UGT1A4: variants seen among roughly 807,000 people sequenced by gnomAD.
UGT1A4 encodes the protein UDP-glucuronosyltransferase 1A4.
UGT1A4 carries 32 observed loss-of-function variants against 41.1 expected under a neutral mutation model. The ratio of observed to expected loss-of-function variants is 0.78; its 90% CI spans 0.59 to 1.05. The LOEUF is 1.05. Ranked by LOEUF, UGT1A4 falls within the 50% of genes least tolerant of loss-of-function variation. The pLI, the probability that UGT1A4 is intolerant of heterozygous loss-of-function variation, is 0.00. For missense variants in UGT1A4, 748 were observed against 677.4 expected (o/e 1.10, Z -1.16); for synonymous variants, 283 against 265.1 (o/e 1.07, Z -0.66).
At chr2:233,736,756 T>G (rs535805323) in intron 1 of UGT1A4, among the ~76,000 whole-genome samples, 1 of 152,338 alleles carries the variant, frequency 6.6e-6, no homozygotes, top group Non-Finnish European at 1.5e-5. Context: ...TTGTTAGTTT[T>G]CCTTCTAACA....
At chr2:233,726,721 T>C (rs17864697) in intron 1 of UGT1A4, among the ~76,000 whole-genome samples, 20,956 of 152,216 alleles carry the variant, frequency 0.14, 1,603 homozygotes, top group East Asian at 0.2. Context: ...GGAAGTACAA[T>C]GTAGATACTT....
At position 233,737,636 on chromosome 2, in the gene UGT1A4, C is replaced by T. The variant is rs531826913; in HGVS notation, c.867+17949C>T. ...AAATGCAGAAATCATCCATCTTCTGCGTCGATCATGCTGGGAGCTGCAGAT... is the reference window on the plus strand; with the variant it reads ...AAATGCAGAAATCATCCATCTTCTGTGTCGATCATGCTGGGAGCTGCAGAT... On this transcript the variant is annotated intron_variant, in intron 1 of 4. Coordinates refer to ENST00000373409, the MANE Select transcript of UGT1A4 (RefSeq NM_007120.3). Among the ~76,000 whole-genome samples the T allele has an allele frequency of 5.3e-5, 8 of 152,322 alleles. No individual in the cohort carries two copies. In the East Asian group the frequency reaches 5.8e-4, roughly 11 times the overall value.
intron 1 of UGT1A4, among the ~76,000 whole-genome samples, chr2:233,752,803 G>A (rs140636687): frequency 3.1e-4 from 47 of 152,278 alleles, no homozygotes; most frequent in African/African-American, 1.1e-3. Flanking sequence ...TTCTGTAGAA[G>A]GAACACTTCC....
intron 1 of UGT1A4, among the ~76,000 whole-genome samples, chr2:233,737,957 G>A (rs779523802): frequency 7.9e-5 from 12 of 151,950 alleles, no homozygotes; most frequent in Non-Finnish European, 1.6e-4. Context: ...CCCAACATGA[G>A]GTCACACTAG....
intron 1 of UGT1A4, among the ~76,000 whole-genome samples, chr2:233,724,109 G>A (rs1321159895): frequency 1.4e-4 from 16 of 113,960 alleles, no homozygotes; most frequent in East Asian, 4.5e-4. Flanking sequence ...AGGGGCGGCC[G>A]GGCAGAGGCG....
At chr2:233,729,263 A>C (rs1204549030) in intron 1 of UGT1A4, 7 of 1,614,084 alleles carry the variant, frequency 4.3e-6, no homozygotes. Flanking sequence ...AGCATGCGGG[A>C]GGTCTTGCGG....
intron 1 of UGT1A4, chr2:233,729,672 TAAGGGCACACAGTGTCC>T (rs2077905850): frequency 6.2e-7 from 1 of 1,613,858 alleles, no homozygotes; most frequent in South Asian, 1.1e-5. Context: ...ATTTAGACTT[TAAGGGCACACAGTGTCC>T]AAACCCTTCC....
At chr2:233,738,180 G>A (rs566528784) in intron 1 of UGT1A4, among the ~76,000 whole-genome samples, 8 of 152,232 alleles carry the variant, frequency 5.3e-5, no homozygotes, top group African/African-American at 1.4e-4. Flanking sequence ...CATGTAAGAC[G>A]TGTCTTTGCC....
intron 1 of UGT1A4, among the ~76,000 whole-genome samples, chr2:233,746,480 C>A (rs1693404181): frequency 1.3e-5 from 2 of 151,692 alleles, no homozygotes; most frequent in Admixed American, 6.5e-5. Context: ...AAACACTTTC[C>A]ATGGACATGT....
rs926387515 is a variant in UGT1A4 at position 233,772,265 on chromosome 2, C to T, written c.1311C>T (p.Tyr437=). ...ACGAAACTGTCTTTGTGTTTAGTTA[C>T]AAGGAGAACATCATGCGCCTCTCCA... ...ALKAVINDKS[Y]KENIMRLSSL... The change falls in exon 5 of 5, where the codon TAC becomes TAT. Residue 437 remains tyrosine, a synonymous_variant. Coordinates refer to ENST00000373409, the MANE Select transcript of UGT1A4 (RefSeq NM_007120.3). 4 of 1,614,232 alleles carry T rather than the reference C, an allele frequency of 2.5e-6. No homozygotes were observed. The Admixed American group carries it at 6.7e-5, about 27-fold the overall frequency.
At chr2:233,759,701 C>T (rs910973902) in intron 1 of UGT1A4, among the ~76,000 whole-genome samples, 5 of 149,762 alleles carry the variant, frequency 3.3e-5, no homozygotes, top group Non-Finnish European at 5.9e-5. Context: ...CACCTCATGG[C>T]GCGTGCTCGT....
chr2:233,729,120 T>A, intron 1 of UGT1A4: 1 of 1,613,088 alleles, frequency 6.2e-7, no homozygotes, highest in Non-Finnish European at 8.5e-7. Context: ...CCGTGTCTTC[T>A]GCTGAGATGG....
chr2:233,743,050 C>G (rs577515653), intron 1 of UGT1A4: 2 of 317,988 alleles, frequency 6.3e-6, no homozygotes, highest in African/African-American at 2.2e-5. Flanking sequence ...CCGTGTAGTC[C>G]CAACGATAAG....
At chr2:233,752,155 C>T (rs1694901340) in intron 1 of UGT1A4, among the ~76,000 whole-genome samples, 1 of 152,178 alleles carries the variant, frequency 6.6e-6, no homozygotes, top group African/African-American at 2.4e-5. Flanking sequence ...CTTCTAGATG[C>T]TTTCTAGTGT....
intron 1 of UGT1A4, chr2:233,755,875 T>A (rs1402547099): frequency 2.6e-5 from 4 of 152,198 alleles, no homozygotes; most frequent in Non-Finnish European, 5.9e-5. Flanking sequence ...CTAACAAACC[T>A]TTTTATGTAA....
chr2:233,737,321 C>G (rs2078863699), intron 1 of UGT1A4, among the ~76,000 whole-genome samples: 1 of 152,264 alleles, frequency 6.6e-6, no homozygotes, highest in African/African-American at 2.4e-5. Flanking sequence ...GACTGCTGCA[C>G]TAGCAGTGAG....
intron 1 of UGT1A4, among the ~76,000 whole-genome samples, chr2:233,731,463 G>A (rs540385955): frequency 1.5e-4 from 23 of 152,134 alleles, no homozygotes; most frequent in Admixed American, 1.0e-3. Flanking sequence ...AGGCCCTGGC[G>A]TGTGATGTTC....
chr2:233,733,853 T>C (rs2078444746), intron 1 of UGT1A4, among the ~76,000 whole-genome samples: 1 of 152,132 alleles, frequency 6.6e-6, no homozygotes, highest in South Asian at 2.1e-4. Flanking sequence ...TCTTTTTCTA[T>C]TGATTGGAAT....
intron 1 of UGT1A4, among the ~76,000 whole-genome samples, chr2:233,720,373 A>G (rs1230236901): frequency 1.3e-5 from 2 of 152,118 alleles, no homozygotes; most frequent in Non-Finnish European, 2.9e-5. Flanking sequence ...AGGGTCTTCT[A>G]CTTGGAATGC....
Sources: allele counts gnomAD v4.1 joint callset (sites outside exome capture counted in the v4.1 genomes callset), GRCh38; gene constraint gnomAD v4.1.1; transcripts MANE v1.5; gene names NCBI Gene and HGNC (gene_info 2026-07-23, HGNC 2026-07-21).